The following RIC8B variants were observed in gnomAD, a reference collection of about 807,000 sequenced individuals.
The protein encoded by RIC8B is chaperone Ric-8B.
Under a neutral mutation model 57.5 loss-of-function variants are expected in RIC8B, and 16 were observed. The ratio of observed to expected loss-of-function variants is 0.28; its 90% CI spans 0.19 to 0.42. The LOEUF (loss-of-function observed/expected upper bound fraction) is 0.42, where lower values mean the gene tolerates loss of function less well. Ranked by LOEUF, RIC8B falls within the 10% of genes least tolerant of loss-of-function variation. The probability of loss-of-function intolerance (pLI) is 1.00; values close to 1 mark genes in which losing one functional copy is unlikely to be tolerated. For synonymous variants in RIC8B, 216 were observed against 250.8 expected (o/e 0.86, Z 1.31); for missense variants, 481 against 677.0 (o/e 0.71, Z 3.21).
In RIC8B at chr12:106,774,791, G is replaced by T. The variant is rs1024980296; in HGVS notation, c.46G>T (p.Gly16Trp). Residue 16 changes from glycine (G) to tryptophan (W), a missense_variant, in exon 1 of 10, where the codon GGG becomes TGG. Gly to Trp is a radical substitution (Grantham distance 184). Around this residue, in one of 3 missense-constraint regions of RIC8B, gnomAD observed 421 missense variants for 560.9 expected, o/e 0.75. Coordinates refer to ENST00000392837, the MANE Select transcript of RIC8B (RefSeq NM_001330145.2). The part of the protein sequence containing the change: ...ALYIVRAGEA[G>W]AIERVLRDYS... ...CTACATCGTCCGGGCCGGCGAAGCA[G>T]GGGCTATCGAGCGGGTCCTGAGGGA... 5.1e-6 allele frequency: 8 copies of T among 1,554,098 alleles called. No homozygotes were observed. The Admixed American group carries it at 5.8e-5, about 11-fold the overall frequency.
Position 106,791,804 on chromosome 12 carries a change from A to G in RIC8B, c.132+7760A>G, listed in dbSNP as rs1465410270. 2.6e-5 allele frequency among the ~76,000 whole-genome samples: 4 copies of G among 152,214 alleles called. No homozygotes were observed. The East Asian group carries it at 7.7e-4, about 29-fold the overall frequency. On this transcript the variant is annotated intron_variant, in intron 2 of 9. Transcript: ENST00000392837. The stretch of plus-strand genomic sequence containing the variant: ...TGTGGACTATAGAAAATGAATGGGT[A>G]AATTTCTATATTAGATTCCCCCAAG...
chr12:106,795,045 A>C (rs1334631750), intron 2 of RIC8B, among the ~76,000 whole-genome samples: 2 of 152,246 alleles, frequency 1.3e-5, no homozygotes, highest in Non-Finnish European at 2.9e-5. Context: ...CTAAGGAAGC[A>C]AATCCAGATG....
At chr12:106,800,566 A>G (rs1271988133) in intron 2 of RIC8B, among the ~76,000 whole-genome samples, 1 of 152,150 alleles carries the variant, frequency 6.6e-6, no homozygotes, top group Non-Finnish European at 1.5e-5. Flanking sequence ...CCATCTCCAT[A>G]TATTAATATT....
At chr12:106,882,404 A>G (rs1004469816) in intron 9 of RIC8B, among the ~76,000 whole-genome samples, 12 of 152,156 alleles carry the variant, frequency 7.9e-5, no homozygotes, top group East Asian at 1.9e-4. Flanking sequence ...TCCAAAACCT[A>G]TATGTGCTTT....
rs945242322 is a variant in RIC8B, at chr12:106,833,550, T to C, written c.836+7730T>C. Among the ~76,000 whole-genome samples, 9 of 151,966 alleles carry C rather than the reference T, an allele frequency of 5.9e-5. No individual in the cohort carries two copies. In the South Asian group the frequency reaches 1.0e-3, roughly 18 times the overall value. Reference sequence around the variant, plus strand: ...TGGGAGGCAAAAGTTGCGGTGAGCTTAGATTGTGCCACTGCACTCCAGCCT... The same window carrying C: ...TGGGAGGCAAAAGTTGCGGTGAGCTCAGATTGTGCCACTGCACTCCAGCCT... On this transcript the variant is annotated intron_variant, in intron 4 of 9. Coordinates refer to ENST00000392837, the MANE Select transcript of RIC8B (RefSeq NM_001330145.2).
intron 9 of RIC8B, chr12:106,873,230 G>GA: frequency 2.1e-6 from 2 of 972,962 alleles, no homozygotes; most frequent in Non-Finnish European, 2.4e-6. Context: ...TGTTGGCTTT[G>GA]ATGGTATCAA....
intron 9 of RIC8B, chr12:106,874,506 C>G: frequency 6.4e-7 from 1 of 1,551,320 alleles, no homozygotes; most frequent in South Asian, 1.2e-5. Context: ...GGACCTGCAC[C>G]AGGATGGTGG....
chr12:106,796,204 G>A (rs1425055502), intron 2 of RIC8B, among the ~76,000 whole-genome samples: 1 of 152,082 alleles, frequency 6.6e-6, no homozygotes, highest in Non-Finnish European at 1.5e-5. Context: ...AACCTTGAAA[G>A]GAAGAACAAA....
chr12:106,861,300 G>A (rs184236712), intron 8 of RIC8B, among the ~76,000 whole-genome samples: 67 of 152,080 alleles, frequency 4.4e-4, no homozygotes, highest in Middle Eastern at 3.4e-3. Flanking sequence ...ATAGGTGTTC[G>A]AGGATAGACT....
chr12:106,868,170 G>A (rs1490759270), intron 8 of RIC8B: 4 of 381,034 alleles, frequency 1.0e-5, no homozygotes, highest in Admixed American at 2.9e-5. Flanking sequence ...GTATGCTGTG[G>A]TGCCCACAAT....
At position 106,863,624 on chromosome 12, in the gene RIC8B, A is replaced by G. The variant is rs78674621; in HGVS notation, c.1451+3212A>G. On this transcript the variant is annotated intron_variant, in intron 8 of 9. Coordinates refer to ENST00000392837, the MANE Select transcript of RIC8B (RefSeq NM_001330145.2). ...ACATGAAGATTTTTCTCTTTGCCCAATTTGGGCTGTGATGATGTATTTATG... is the reference window on the plus strand; with the variant it reads ...ACATGAAGATTTTTCTCTTTGCCCAGTTTGGGCTGTGATGATGTATTTATG... 2.0e-3 allele frequency among the ~76,000 whole-genome samples: 298 copies of G among 152,182 alleles called. 3 individuals carry two copies. The highest frequency in any genetic ancestry group is 6.7e-3 in the African/African-American group (280 of 41,526).
rs1474498774 is a variant in RIC8B, at chr12:106,815,224, C to T, written c.661C>T (p.Pro221Ser). ...AIDHNGPPLS[P>S]QETDCAIEAL... ...AGACCATAATGGACCTCCTCTCTCACCTCAGGAGACAGACTGTGCCATTGA... is the reference window on the plus strand; with the variant it reads ...AGACCATAATGGACCTCCTCTCTCATCTCAGGAGACAGACTGTGCCATTGA... The change falls in exon 3 of 10, where the codon CCT becomes TCT. Residue 221 changes from proline (P) to serine (S), a missense_variant. This residue lies in a region of RIC8B where 421 missense variants were observed against 560.9 expected (regional missense o/e 0.75). Coordinates refer to ENST00000392837, the MANE Select transcript of RIC8B (RefSeq NM_001330145.2). The T allele has an allele frequency of 6.2e-7, 1 of 1,614,160 alleles. No individual in the cohort carries two copies. Among genetic ancestry groups the T allele is most frequent in the Admixed American group, 1.7e-5 (1 of 60,034 alleles).
At chr12:106,775,437 G>A (rs761116470) in intron 1 of RIC8B, 57 of 449,308 alleles carry the variant, frequency 1.3e-4, no homozygotes, top group Non-Finnish European at 2.0e-4. Flanking sequence ...TAAGTGGGTG[G>A]AGAATGTAAC....
chr12:106,864,965 C>A (rs551537774), intron 8 of RIC8B, among the ~76,000 whole-genome samples: 2 of 152,040 alleles, frequency 1.3e-5, no homozygotes, highest in African/African-American at 4.8e-5. Flanking sequence ...CTTTAAGATT[C>A]GTTCATGTTG....
At chr12:106,873,124 C>T (rs1278286556) in intron 9 of RIC8B, 6 of 985,386 alleles carry the variant, frequency 6.1e-6, no homozygotes, top group Non-Finnish European at 7.2e-6. Context: ...AACTATGCCT[C>T]AAAGAAGATG....
chr12:106,799,753 T>A (rs2044645612), intron 2 of RIC8B, among the ~76,000 whole-genome samples: 2 of 152,216 alleles, frequency 1.3e-5, no homozygotes, highest in Non-Finnish European at 2.9e-5. Flanking sequence ...TCCGTACTTT[T>A]TCTGCTATAT....
Position 106,814,986 on chromosome 12 carries a change from T to C in RIC8B, c.423T>C (p.Ala141=), listed in dbSNP as rs2045505627. Residue 141 remains alanine, a synonymous_variant, in exon 3 of 10, where the codon GCT becomes GCC. Transcript: ENST00000392837. The part of the protein sequence containing the change: ...AQQLSLELNL[A]AKLCNLLRKC... Reference sequence around the variant, plus strand: ...AGCTCAGCCTGGAACTTAATCTTGCTGCAAAGCTCTGTAACCTCCTGAGAA... The same window carrying C: ...AGCTCAGCCTGGAACTTAATCTTGCCGCAAAGCTCTGTAACCTCCTGAGAA... 6.2e-7 allele frequency: 1 copy of C among 1,614,252 alleles called. No homozygotes were observed. Among genetic ancestry groups the C allele is most frequent in the Non-Finnish European group, 8.5e-7 (1 of 1,180,028 alleles).
chr12:106,861,547 G>T (rs927688851), intron 8 of RIC8B, among the ~76,000 whole-genome samples: 2 of 151,856 alleles, frequency 1.3e-5, no homozygotes, highest in African/African-American at 4.8e-5. Context: ...CTTTTTGGGG[G>T]AAAGCTGGCA....
chr12:106,882,452 C>A (rs910579714), intron 9 of RIC8B, among the ~76,000 whole-genome samples: 20 of 152,130 alleles, frequency 1.3e-4, no homozygotes. Flanking sequence ...TTGTTCTGTA[C>A]AATTCACAAC....
Sources: gnomAD v4.1 joint callset for allele counts (sites outside exome capture counted in the v4.1 genomes callset) on GRCh38, gnomAD v4.1.1 for gene constraint, gnomAD v4.1.1 regional missense constraint, MANE v1.5 for transcripts, NCBI Gene and HGNC (gene_info 2026-07-23, HGNC 2026-07-21) for gene names.